The following HSD17B12 variants were observed in gnomAD, a reference collection of about 807,000 sequenced individuals.
HSD17B12 encodes hydroxysteroid 17-beta dehydrogenase 12, also known as very-long-chain 3-oxoacyl-CoA reductase.
A neutral mutation model predicts 39.3 loss-of-function variants in HSD17B12; 32 were observed. That is an observed-to-expected ratio of 0.81 (90% confidence interval 0.61 to 1.09). HSD17B12 has a LOEUF of 1.09. Ranked by LOEUF, HSD17B12 falls within the 50% of genes least tolerant of loss-of-function variation. The pLI is 0.00. For synonymous variants in HSD17B12, 150 were observed against 146.7 expected (o/e 1.02, Z -0.16); for missense variants, 342 against 382.9 (o/e 0.89, Z 0.89).
rs117618007 is a variant in HSD17B12 at position 43,814,019 on chromosome 11, G to A, written c.392-1418G>A. Among the ~76,000 whole-genome samples the A allele has an allele frequency of 3.9e-3, 591 of 152,152 alleles. 15 individuals are homozygous for A. In the South Asian group the frequency reaches 0.06, roughly 15 times the overall value. On this transcript the variant is annotated intron_variant, in intron 4 of 10. Coordinates refer to ENST00000278353, the MANE Select transcript of HSD17B12 (RefSeq NM_016142.3). ...GAAAAGTTATTATTACTAATATCAG[G>A]TTTATATGGCATAATTCCTTATAAG...
the HSD17B12 span, among the ~76,000 whole-genome samples, chr11:43,610,056 G>C: frequency 2.0e-5 from 3 of 152,210 alleles, no homozygotes; most frequent in South Asian, 2.1e-4. Flanking sequence ...ATAGTTACTG[G>C]GAAGAAAAAT....
At chr11:43,739,793 T>C (rs1950348094) in intron 1 of HSD17B12, among the ~76,000 whole-genome samples, 1 of 152,156 alleles carries the variant, frequency 6.6e-6, no homozygotes, top group Non-Finnish European at 1.5e-5. Flanking sequence ...GCATGTTACC[T>C]TGGAGGAACT....
the HSD17B12 span, among the ~76,000 whole-genome samples, chr11:43,669,347 A>C: frequency 6.6e-6 from 1 of 152,068 alleles, no homozygotes; most frequent in Non-Finnish European, 1.5e-5. Context: ...CTAAAAATAC[A>C]AAAATTAGCT....
intron 6 of HSD17B12, among the ~76,000 whole-genome samples, chr11:43,825,116 G>A (rs1400747802): frequency 1.4e-5 from 2 of 143,764 alleles, no homozygotes; most frequent in African/African-American, 5.1e-5. Context: ...GGCTGGCAGA[G>A]TGAGACCCTG....
chr11:43,661,305 G>T, the HSD17B12 span, among the ~76,000 whole-genome samples: 1 of 152,124 alleles, frequency 6.6e-6, no homozygotes, highest in Non-Finnish European at 1.5e-5. Context: ...TGGGTTGGGG[G>T]TCAAAAAGGG....
chr11:43,834,780 G>C (rs373456312), intron 7 of HSD17B12, among the ~76,000 whole-genome samples: 27 of 152,238 alleles, frequency 1.8e-4, no homozygotes, highest in East Asian at 1.4e-3. Flanking sequence ...GTTTTATAGA[G>C]TTGGGCGAAT....
chr11:43,628,084 A>C, the HSD17B12 span, among the ~76,000 whole-genome samples: 2 of 150,272 alleles, frequency 1.3e-5, no homozygotes, highest in Non-Finnish European at 3.0e-5. Flanking sequence ...TCTTGTTTTT[A>C]ATAGTGATAC....
At chr11:43,827,318 T>C (rs1951253221) in intron 6 of HSD17B12, among the ~76,000 whole-genome samples, 1 of 152,218 alleles carries the variant, frequency 6.6e-6, no homozygotes, top group Non-Finnish European at 1.5e-5. Context: ...TTCTTTGTAC[T>C]GTTCTCTCTA....
intron 4 of HSD17B12, among the ~76,000 whole-genome samples, chr11:43,799,180 A>G (rs1481449762): frequency 1.3e-5 from 2 of 152,066 alleles, no homozygotes; most frequent in African/African-American, 4.8e-5. Flanking sequence ...TGAAATTTTA[A>G]TACCACAAAT....
In HSD17B12 at chr11:43,831,811, G is replaced by A. The variant is rs1166406283; in HGVS notation, c.536+801G>A. Among the ~76,000 whole-genome samples the A allele has an allele frequency of 6.6e-6, 1 of 152,200 alleles. No homozygotes were observed. The highest frequency in any genetic ancestry group is 1.9e-4 in the East Asian group (1 of 5,194). The stretch of plus-strand genomic sequence containing the variant: ...CAGAGGAATCACAGCTTTGAAAAGG[G>A]AAGACCCAAGGACCCTACTTCTGTT... On this transcript the variant is annotated intron_variant, in intron 7 of 10. Coordinates refer to ENST00000278353, the MANE Select transcript of HSD17B12 (RefSeq NM_016142.3). The surrounding 1 kb of genome is among the most constrained non-coding windows in gnomAD (Gnocchi z 4.1).
At chr11:43,645,492 C>T in the HSD17B12 span, 1 of 152,166 alleles carries the variant, frequency 6.6e-6, no homozygotes, top group Non-Finnish European at 1.5e-5. Context: ...AATCAGCTAT[C>T]AAGTTTTAGT....
intron 6 of HSD17B12, among the ~76,000 whole-genome samples, chr11:43,821,156 G>C (rs779263661): frequency 5.3e-5 from 8 of 152,220 alleles, no homozygotes; most frequent in Non-Finnish European, 1.0e-4. Flanking sequence ...AGTTTCATCC[G>C]ATGGTTTTAC....
chr11:43,692,204 G>A (rs961924483), intron 1 of HSD17B12, among the ~76,000 whole-genome samples: 4 of 152,086 alleles, frequency 2.6e-5, no homozygotes, highest in Non-Finnish European at 5.9e-5. Flanking sequence ...TATTTCAATT[G>A]GGGGGTCAGA....
intron 4 of HSD17B12, among the ~76,000 whole-genome samples, chr11:43,812,335 C>T (rs1158736038): frequency 6.6e-6 from 1 of 152,178 alleles, no homozygotes; most frequent in Non-Finnish European, 1.5e-5. Context: ...ACATTCCCAC[C>T]AACAGTGGAT....
chr11:43,592,819 G>A, the HSD17B12 span, among the ~76,000 whole-genome samples: 2 of 151,886 alleles, frequency 1.3e-5, no homozygotes, highest in South Asian at 4.1e-4. Flanking sequence ...GTTGATGCTT[G>A]CTAATTTTTC....
intron 6 of HSD17B12, among the ~76,000 whole-genome samples, chr11:43,824,085 G>A (rs1951209099): frequency 6.6e-6 from 1 of 152,050 alleles, no homozygotes; most frequent in African/African-American, 2.4e-5. Context: ...TGAAAATTGG[G>A]TAACACAGAC....
the HSD17B12 span, among the ~76,000 whole-genome samples, chr11:43,669,784 A>C: frequency 6.6e-6 from 1 of 152,206 alleles, no homozygotes; most frequent in Admixed American, 6.5e-5. Context: ...GGCCCACCCT[A>C]ATCCTTTATG....
At chr11:43,603,526 A>G in the HSD17B12 span, among the ~76,000 whole-genome samples, 1 of 152,220 alleles carries the variant, frequency 6.6e-6, no homozygotes, top group Non-Finnish European at 1.5e-5. Context: ...ACTGATGCAG[A>G]AGGAGACATG....
chr11:43,707,781 G>T (rs1950029190), intron 1 of HSD17B12, among the ~76,000 whole-genome samples: 1 of 152,058 alleles, frequency 6.6e-6, no homozygotes, highest in Non-Finnish European at 1.5e-5. Flanking sequence ...TCCCGCACTT[G>T]TTACTTTACA....
Sources: allele counts gnomAD v4.1 joint callset (sites outside exome capture counted in the v4.1 genomes callset), GRCh38; gene constraint gnomAD v4.1.1; non-coding constraint Gnocchi (gnomAD v3.1); transcripts MANE v1.5; gene names NCBI Gene and HGNC (gene_info 2026-07-23, HGNC 2026-07-21).